Variants in NPHP3 observed in about 807,000 individuals in gnomAD.
The protein encoded by NPHP3 is nephrocystin 3, also known as nephrocystin-3.
NPHP3 carries 123 observed loss-of-function variants against 171.9 expected under a neutral mutation model. The observed-to-expected ratio is 0.72, with a 90% CI of 0.62 to 0.83. The LOEUF (loss-of-function observed/expected upper bound fraction) is 0.83, where lower values mean the gene tolerates loss of function less well. Among genes scored for constraint, NPHP3 ranks in the 40% least tolerant of loss-of-function variants. The pLI, the probability that NPHP3 is intolerant of heterozygous loss-of-function variation, is 0.00. For missense variants in NPHP3, 1,506 were observed against 1,591.9 expected (o/e 0.95, Z 0.92); for synonymous variants, 558 against 579.2 (o/e 0.96, Z 0.52).
intron 9 of NPHP3, 61 bp downstream of exon 9, chr3:132,704,137 A>G (rs1939686124): frequency 6.8e-7 from 1 of 1,466,020 alleles, no homozygotes; most frequent in Non-Finnish European, 9.6e-7. Flanking sequence ...TGAAAATACA[A>G]TCATAATACA....
At chr3:132,685,684 C>T (rs1046951249) in intron 23 of NPHP3, 1 of 153,026 alleles carries the variant, frequency 6.5e-6, no homozygotes, top group Non-Finnish European at 1.5e-5. Context: ...ATCTTATGCA[C>T]AATATCTACA....
In NPHP3 at chr3:132,719,794, T is replaced by C. The variant is rs745342273; in HGVS notation, c.430A>G (p.Lys144Glu). The change falls in exon 2 of 27, where the codon AAA (lysine) becomes GAA (glutamate). Residue 144 changes from lysine (K) to glutamate (E), a missense_variant. Physicochemically the swap from Lys to Glu is moderately conservative, Grantham distance 56. This residue lies in a region of NPHP3 where 930 missense variants were observed against 924.9 expected (regional missense o/e 1.01). Coordinates refer to ENST00000337331, the MANE Select transcript of NPHP3 (RefSeq NM_153240.5). Reference sequence around the variant, plus strand: ...TATTTCGCTTCTAAAGCACTTTCTTTTTCTCGAAGTATCTTCTGATACGTT... The same window carrying C: ...TATTTCGCTTCTAAAGCACTTTCTTCTTCTCGAAGTATCTTCTGATACGTT... ...QKTYQKILREKESALEAKYQA... is the reference protein window; with the variant it reads ...QKTYQKILREEESALEAKYQA... 7 of 1,600,194 alleles carry C rather than the reference T, an allele frequency of 4.4e-6. No individual in the cohort carries two copies. The highest frequency in any genetic ancestry group is 1.3e-5 in the African/African-American group (1 of 74,728).
At chr3:132,698,878 TATCTAACCTCCCCCCAA>T (rs976513514) in intron 13 of NPHP3, among the ~76,000 whole-genome samples, 3 of 152,202 alleles carry the variant, frequency 2.0e-5, no homozygotes, top group Non-Finnish European at 2.9e-5. Flanking sequence ...ATCCCAGATC[TATCTAACCTCCCCCCAA>T]ATCCCTTTTT....
intron 6 of NPHP3, chr3:132,712,463 A>T (rs546418520): frequency 4.4e-6 from 2 of 456,854 alleles, no homozygotes; most frequent in Admixed American, 4.7e-5. Context: ...GTATGAAGGC[A>T]GCTGTAGAAA....
At chr3:132,721,238 G>GA (rs1473535923) in intron 1 of NPHP3, among the ~76,000 whole-genome samples, 1 of 152,074 alleles carries the variant, frequency 6.6e-6, no homozygotes, top group Non-Finnish European at 1.5e-5. Flanking sequence ...CTATTTTATT[G>GA]AATTATAATG....
In NPHP3 at chr3:132,722,294, C is replaced by T; in HGVS notation, c.62G>A (p.Gly21Glu). 6.3e-7 allele frequency: 1 copy of T among 1,580,316 alleles called. No homozygotes were observed. Among genetic ancestry groups the T allele is most frequent in the Non-Finnish European group, 8.5e-7 (1 of 1,172,290 alleles). ...AGGEVIEDTY[G>E]AGGGEACEIP... ...CTCGCAGGCCTCGCCGCCGCCCGCC[C>T]CGTACGTGTCCTCGATCACTTCCCC... Residue 21 changes from glycine (G) to glutamate (E), a missense_variant, in exon 1 of 27, where the codon GGG (glycine) becomes GAG (glutamate). Physicochemically the swap from Gly to Glu is moderately conservative, Grantham distance 98 (BLOSUM62 -2). Coordinates refer to ENST00000337331, the MANE Select transcript of NPHP3 (RefSeq NM_153240.5).
Position 132,695,006 on chromosome 3 carries a change from C to A in NPHP3, c.2172-41G>T, listed in dbSNP as rs1939409838. On this transcript the variant is annotated intron_variant, in intron 15 of 26. Coordinates refer to ENST00000337331, the MANE Select transcript of NPHP3 (RefSeq NM_153240.5). ...AGAGATTTAATTTCTTACAGATTGC[C>A]AACATCTGTGAAAATTTTGAGATCG... The A allele has an allele frequency of 6.8e-6, 11 of 1,606,684 alleles. No homozygotes were observed. In the East Asian group the frequency reaches 1.8e-4, roughly 26 times the overall value.
At chr3:132,696,965 G>A (rs548877510) in intron 14 of NPHP3, 152 bp from the exon 15 acceptor site, 28 of 736,706 alleles carry the variant, frequency 3.8e-5, no homozygotes, top group African/African-American at 3.3e-4. Flanking sequence ...GTGGCTCCTC[G>A]GCTGTGGGCA....
intron 15 of NPHP3, among the ~76,000 whole-genome samples, chr3:132,695,969 A>G (rs1288825833): frequency 6.6e-6 from 1 of 152,154 alleles, no homozygotes; most frequent in African/African-American, 2.4e-5. Context: ...ATCATGGGCA[A>G]TGTAAAGTTT....
In NPHP3 at chr3:132,696,748, G is replaced by A. The variant is rs558637226; in HGVS notation, c.2154C>T (p.Phe718=). 1.5e-5 allele frequency: 24 copies of A among 1,613,934 alleles called. No individual in the cohort carries two copies. Among genetic ancestry groups the A allele is most frequent in the East Asian group, 8.9e-5 (4 of 44,898 alleles). The change falls in exon 15 of 27, where the codon TTC becomes TTT. Residue 718 remains phenylalanine, a synonymous_variant. Coordinates refer to ENST00000337331, the MANE Select transcript of NPHP3 (RefSeq NM_153240.5). The part of the protein sequence containing the change: ...TTCNALYVTL[F]GKMIARAGRA... ...CCACTCACCGCGCGATCATTTTGCC[G>A]AAAAGGGTGACATAAAGGGCATTGC...
intron 4 of NPHP3, 64 bp downstream of exon 4, chr3:132,716,693 C>T (rs1940061422): frequency 6.4e-7 from 1 of 1,553,288 alleles, no homozygotes; most frequent in Non-Finnish European, 8.9e-7. Context: ...AGTTCCAGCA[C>T]AAGATTATAA....
intron 23 of NPHP3, chr3:132,685,077 A>G (rs1362608536): frequency 2.7e-6 from 1 of 374,348 alleles, no homozygotes; most frequent in African/African-American, 2.1e-5. Context: ...ATACTTTAAA[A>G]ATTATTAGAC....
chr3:132,712,739 C>T (rs1300738743), intron 6 of NPHP3, among the ~76,000 whole-genome samples: 1 of 150,928 alleles, frequency 6.6e-6, no homozygotes, highest in African/African-American at 2.4e-5. Flanking sequence ...GCACTCCAGC[C>T]TGGACGACAG....
At position 132,705,823 on chromosome 3, in the gene NPHP3, A is replaced by G; in HGVS notation, c.1276-9T>C. 7.0e-7 allele frequency: 1 copy of G among 1,429,030 alleles called. No homozygotes were observed. Among genetic ancestry groups the G allele is most frequent in the East Asian group, 2.3e-5 (1 of 43,836 alleles). 88.5% of individuals were successfully genotyped at this position (1,429,030 alleles called of 1,614,324 possible). On this transcript the variant is annotated splice_polypyrimidine_tract_variant and intron_variant, in intron 7 of 26. Coordinates refer to ENST00000337331, the MANE Select transcript of NPHP3 (RefSeq NM_153240.5). ...CCTGAGTGATCAATGATCTAGATAA[A>G]AATCATTTAAGAACAATGAGAAAAA...
chr3:132,694,355 ATGTGTG>A (rs141353877), intron 16 of NPHP3, among the ~76,000 whole-genome samples: 11 of 144,012 alleles, frequency 7.6e-5, no homozygotes, highest in South Asian at 2.1e-4. Context: ...GAAGGAAATT[ATGTGTG>A]TGTGTGTGTG....
In NPHP3 at chr3:132,713,109, A is replaced by G. The variant is rs766373582; in HGVS notation, c.1118+17T>C. On this transcript the variant is annotated intron_variant, in intron 6 of 26. Transcript: ENST00000337331. Reference sequence around the variant, plus strand: ...CAGTTTACTGCTTATAATAAATTACATTTTTTTTCAGCTTACCTTGGTAAT... The same window carrying G: ...CAGTTTACTGCTTATAATAAATTACGTTTTTTTTCAGCTTACCTTGGTAAT... 4.5e-6 allele frequency: 6 copies of G among 1,326,438 alleles called. No individual in the cohort carries two copies. The highest frequency in any genetic ancestry group is 2.1e-5 in the Admixed American group (1 of 48,546). The allele number at this position is 1,326,438 out of a possible 1,614,324, so 82.2% of individuals were successfully genotyped here. A position where few individuals can be genotyped will look rare whatever the true frequency, so the allele number is the denominator to read the frequency against.
chr3:132,705,656 A>G, intron 8 of NPHP3, 84 bp downstream of exon 8: 1 of 748,356 alleles, frequency 1.3e-6, no homozygotes. Context: ...AAGACAAGCA[A>G]GTGGTTTTCT....
At chr3:132,718,905 TA>T in intron 3 of NPHP3, 88 bp downstream of exon 3, 1 of 1,334,704 alleles carries the variant, frequency 7.5e-7, no homozygotes. Flanking sequence ...TATAGATAAG[TA>T]AAAGAAATCT....
intron 10 of NPHP3, 70 bp from the exon 11 acceptor site, chr3:132,700,518 C>T (rs1270562522): frequency 1.1e-6 from 1 of 912,470 alleles, no homozygotes; most frequent in Non-Finnish European, 1.7e-6. Flanking sequence ...AAAGAATTCA[C>T]AATGCAGTAA....
Sources: allele counts gnomAD v4.1 joint callset (sites outside exome capture counted in the v4.1 genomes callset), GRCh38; gene constraint gnomAD v4.1.1; regional missense constraint gnomAD v4.1.1; transcripts MANE v1.5; gene names NCBI Gene and HGNC (gene_info 2026-07-23, HGNC 2026-07-21).